Variants in RBM33 observed in about 807,000 individuals in gnomAD.
RBM33 encodes the protein RNA binding motif protein 33.
Under a neutral mutation model 132.6 loss-of-function variants are expected in RBM33, and 28 were observed. That is an observed-to-expected ratio of 0.21 (90% CI 0.16 to 0.29). The LOEUF (loss-of-function observed/expected upper bound fraction) is 0.29. Among genes scored for constraint, RBM33 ranks in the 10% least tolerant of loss-of-function variants. RBM33 has a pLI of 1.00. For missense variants in RBM33, 1,291 were observed against 1,518.5 expected (o/e 0.85, Z 2.49); for synonymous variants, 634 against 593.0 (o/e 1.07, Z -1.01).
Position 155,775,821 on chromosome 7 carries a change from A to T in RBM33, c.*780A>T, listed in dbSNP as rs1802588176. 1 of 152,514 alleles carries T rather than the reference A, an allele frequency of 6.6e-6. No individual in the cohort carries two copies. The highest frequency in any genetic ancestry group is 1.5e-5 in the Non-Finnish European group (1 of 68,254). The allele number at this position is 152,514 out of a possible 1,614,324, so 9.4% of individuals were successfully genotyped here. On this transcript the variant is annotated 3_prime_UTR_variant, in exon 18 of 18. Coordinates refer to ENST00000401878, the MANE Select transcript of RBM33 (RefSeq NM_053043.3). ...AGCCCTCTGGCCTAGTTCCCACCAC[A>T]CATGAGGTGGTGGAATGGCCTGAAG...
chr7:155,777,152 A>T lies in RBM33; in HGVS notation c.*2111A>T, dbSNP rs1425171898. ...TAGGCATTGAAACAGACTTTTTTGTAGTCAGTGTTAATAAAACGGATCCTG... is the reference window on the plus strand; with the variant it reads ...TAGGCATTGAAACAGACTTTTTTGTTGTCAGTGTTAATAAAACGGATCCTG... On this transcript the variant is annotated 3_prime_UTR_variant, in exon 18 of 18. Transcript: ENST00000401878. 6.6e-6 allele frequency: 1 copy of T among 152,342 alleles called. No homozygotes were observed. Among genetic ancestry groups the T allele is most frequent in the Non-Finnish European group, 1.5e-5 (1 of 68,000 alleles). The allele number at this position is 152,342 out of a possible 1,614,324, so 9.4% of individuals were successfully genotyped here. A position where few individuals can be genotyped will look rare whatever the true frequency, so the allele number is the denominator to read the frequency against.
Position 155,774,031 on chromosome 7 carries a change from T to C in RBM33, c.3376-528T>C, listed in dbSNP as rs987937717. Among the ~76,000 whole-genome samples the C allele has an allele frequency of 6.6e-6, 1 of 152,238 alleles. No homozygotes were observed. Among genetic ancestry groups the C allele is most frequent in the Non-Finnish European group, 1.5e-5 (1 of 68,048 alleles). On this transcript the variant is annotated intron_variant, in intron 16 of 17. Coordinates refer to ENST00000401878, the MANE Select transcript of RBM33 (RefSeq NM_053043.3). This position sits in a 1 kb window ranked among gnomAD's most constrained non-coding sequence, Gnocchi z 4.2. ...TAAAGTACAAAATGTGACCACGTTA[T>C]GCTGATGTCTGCCCCAGGCACCACT...
At position 155,711,347 on chromosome 7, in the gene RBM33, C is replaced by T. The variant is rs78574802; in HGVS notation, c.1093C>T (p.Leu365=). 12,045 of 1,603,624 alleles carry T rather than the reference C, an allele frequency of 7.5e-3. 710 individuals are homozygous for T. The African/African-American group carries it at 0.13, about 18-fold the overall frequency. ...TCAGGGAATGCACATGCCTCCCCAG[C>T]TAGAGACCCCAAGGATGATGATGAC... ...PPQGMHMPPQ[L]ETPRMMMTPP... The change falls in exon 8 of 18, where the codon CTA becomes TTA. Residue 365 remains leucine (L), a synonymous_variant. Coordinates refer to ENST00000401878, the MANE Select transcript of RBM33 (RefSeq NM_053043.3).
intron 13 of RBM33, among the ~76,000 whole-genome samples, chr7:155,743,240 T>G (rs1056557447): frequency 1.3e-5 from 2 of 152,192 alleles, no homozygotes; most frequent in African/African-American, 4.8e-5. Flanking sequence ...ATCGGAATAG[T>G]TTAGAAAGAA....
chr7:155,773,142 C>G (rs569772960), intron 16 of RBM33, among the ~76,000 whole-genome samples: 1 of 152,316 alleles, frequency 6.6e-6, no homozygotes, highest in East Asian at 1.9e-4. Flanking sequence ...TCTAGCTATT[C>G]TGTTTCACTG....
At chr7:155,762,277 C>T (rs973023953) in intron 14 of RBM33, among the ~76,000 whole-genome samples, 3 of 152,236 alleles carry the variant, frequency 2.0e-5, no homozygotes, top group African/African-American at 7.2e-5. Context: ...CCCACAGACC[C>T]ATGGGCTTCC....
chr7:155,758,861 T>G (rs57254676), intron 14 of RBM33, among the ~76,000 whole-genome samples: 3,741 of 150,802 alleles, frequency 0.025, 140 homozygotes, highest in African/African-American at 0.086. Context: ...CCAGACCCAC[T>G]GGGAAGAAAA....
intron 6 of RBM33, among the ~76,000 whole-genome samples, chr7:155,704,196 T>C (rs915522801): frequency 6.6e-6 from 1 of 152,192 alleles, no homozygotes; most frequent in Non-Finnish European, 1.5e-5. Context: ...CAGTTGTTGA[T>C]TGGTATTTTG....
chr7:155,752,682 C>G (rs1439712925), intron 14 of RBM33, among the ~76,000 whole-genome samples: 2 of 152,186 alleles, frequency 1.3e-5, no homozygotes, highest in Non-Finnish European at 2.9e-5. Context: ...AACCACTGGT[C>G]TAAGAACCCA....
chr7:155,720,055 C>G (rs1425423791), intron 9 of RBM33, among the ~76,000 whole-genome samples: 2 of 152,076 alleles, frequency 1.3e-5, no homozygotes, highest in Non-Finnish European at 1.5e-5. Context: ...ATTGAACTTG[C>G]GTTTCAGTTA....
In RBM33 at chr7:155,748,095, G is replaced by T. The variant is rs1223310344; in HGVS notation, c.2979+2493G>T. Among the ~76,000 whole-genome samples the T allele has an allele frequency of 2.0e-5, 3 of 152,358 alleles. No homozygotes were observed. In the East Asian group the frequency reaches 5.8e-4, roughly 29 times the overall value. ...GCCGAGGGCTGAGCAGACCTTGGCTGACAGGAGCTTGGCATCTGGGGAGGA... is the reference window on the plus strand; with the variant it reads ...GCCGAGGGCTGAGCAGACCTTGGCTTACAGGAGCTTGGCATCTGGGGAGGA... On this transcript the variant is annotated intron_variant, in intron 14 of 17. Coordinates refer to ENST00000401878, the MANE Select transcript of RBM33 (RefSeq NM_053043.3).
chr7:155,691,789 C>T lies in RBM33; in HGVS notation c.568-8984C>T, dbSNP rs139024979. 6.6e-5 allele frequency among the ~76,000 whole-genome samples: 10 copies of T among 152,244 alleles called. No individual in the cohort carries two copies. In the East Asian group the frequency reaches 1.7e-3, roughly 26 times the overall value. On this transcript the variant is annotated intron_variant, in intron 5 of 17. Coordinates refer to ENST00000401878, the MANE Select transcript of RBM33 (RefSeq NM_053043.3). Reference sequence around the variant, plus strand: ...ATGGTGACCTGGCTGGGTGCTGTGTCTTATGCCTGTAATCCCAGCACTTTG... The same window carrying T: ...ATGGTGACCTGGCTGGGTGCTGTGTTTTATGCCTGTAATCCCAGCACTTTG...
chr7:155,673,766 G>GCACGCACACACA (rs776340484), intron 3 of RBM33, among the ~76,000 whole-genome samples: 1 of 120,298 alleles, frequency 8.3e-6, no homozygotes, highest in South Asian at 2.4e-4. Context: ...GCGCGCATGC[G>GCACGCACACACA]CGCACACACA....
Position 155,775,275 on chromosome 7 carries a change from A to G in RBM33, c.*234A>G, listed in dbSNP as rs1482117081. ...GCTTCACATTCTCTTGTCACCACCA[A>G]GAACTCCAAGTTTTTCGTTTTGTTT... is the stretch of plus-strand genomic sequence containing the variant. On this transcript the variant is annotated 3_prime_UTR_variant, in exon 18 of 18. Coordinates refer to ENST00000401878, the MANE Select transcript of RBM33 (RefSeq NM_053043.3). 11 of 634,302 alleles carry G rather than the reference A, an allele frequency of 1.7e-5. No individual in the cohort carries two copies. The highest frequency in any genetic ancestry group is 5.1e-5 in the South Asian group (3 of 59,332). The allele number at this position is 634,302 out of a possible 1,614,324, so 39.3% of individuals were successfully genotyped here.
intron 16 of RBM33, among the ~76,000 whole-genome samples, chr7:155,770,594 CTT>C (rs34251346): frequency 0.17 from 22,490 of 135,976 alleles, 1,672 homozygotes; most frequent in East Asian, 0.28. Context: ...CAGCTGATAC[CTT>C]TTTTTTTTTT....
chr7:155,690,018 A>G (rs535013362), intron 5 of RBM33, among the ~76,000 whole-genome samples: 4 of 152,182 alleles, frequency 2.6e-5, no homozygotes, highest in African/African-American at 9.6e-5. Flanking sequence ...CAATTCCTGG[A>G]TATCCTTGTT....
At position 155,780,466 on chromosome 7, in the gene RBM33, C is replaced by G. The variant is rs1271615513; in HGVS notation, c.*5425C>G. 2.0e-5 allele frequency: 3 copies of G among 152,236 alleles called. No individual in the cohort carries two copies. The highest frequency in any genetic ancestry group is 6.5e-5 in the Admixed American group (1 of 15,280). 9.4% of individuals were successfully genotyped at this position (152,236 alleles called of 1,614,324 possible). On this transcript the variant is annotated 3_prime_UTR_variant, in exon 18 of 18. Coordinates refer to ENST00000401878, the MANE Select transcript of RBM33 (RefSeq NM_053043.3). Reference sequence around the variant, plus strand: ...AGCTGATTCTGTTTGCTCCACGTGCCTGCTTCTTGCTACTGTTCATTTAGT... The same window carrying G: ...AGCTGATTCTGTTTGCTCCACGTGCGTGCTTCTTGCTACTGTTCATTTAGT...
At position 155,775,222 on chromosome 7, in the gene RBM33, C is replaced by T. The variant is rs1802567185; in HGVS notation, c.*181C>T. Reference sequence around the variant, plus strand: ...TTCCAGAGGAGCCGAACTGACAGGACACAGCAGGCTGGAGTTGGTGTTAGA... The same window carrying T: ...TTCCAGAGGAGCCGAACTGACAGGATACAGCAGGCTGGAGTTGGTGTTAGA... On this transcript the variant is annotated 3_prime_UTR_variant, in exon 18 of 18. Transcript: ENST00000401878. 4 of 704,662 alleles carry T rather than the reference C, an allele frequency of 5.7e-6. No individual in the cohort carries two copies. In the Admixed American group the frequency reaches 6.0e-5, roughly 11 times the overall value. The allele number at this position is 704,662 out of a possible 1,614,324, so 43.7% of individuals were successfully genotyped here.
chr7:155,726,765 AT>A (rs937657715), intron 9 of RBM33, among the ~76,000 whole-genome samples: 6 of 152,256 alleles, frequency 3.9e-5, no homozygotes, highest in Non-Finnish European at 5.9e-5. Flanking sequence ...TTTTGGAACC[AT>A]GATTTATATG....
Sources: allele counts gnomAD v4.1 joint callset (sites outside exome capture counted in the v4.1 genomes callset), GRCh38; gene constraint gnomAD v4.1.1; non-coding constraint Gnocchi (gnomAD v3.1); transcripts MANE v1.5; gene names NCBI Gene and HGNC (gene_info 2026-07-23, HGNC 2026-07-21).